ZNF804B: variants seen among roughly 807,000 people sequenced by gnomAD.
ZNF804B encodes zinc finger 804B.
In ZNF804B, 80 loss-of-function variants were observed where a neutral mutation model predicts 101.4. The ratio of observed to expected loss-of-function variants is 0.79; its 90% CI spans 0.66 to 0.95. ZNF804B has a LOEUF of 0.95. Among genes scored for constraint, ZNF804B ranks in the 40% least tolerant of loss-of-function variants. The pLI is 0.00. For synonymous variants in ZNF804B, 622 were observed against 558.8 expected (o/e 1.11, Z -1.59); for missense variants, 1,673 against 1,561.9 (o/e 1.07, Z -1.20).
chr7:88,931,395 C>G (rs1792883289), intron 1 of ZNF804B, among the ~76,000 whole-genome samples: 1 of 151,798 alleles, frequency 6.6e-6, no homozygotes, highest in South Asian at 2.1e-4. Flanking sequence ...TCATGAAGGT[C>G]AGTTTAACTA....
intron 1 of ZNF804B, among the ~76,000 whole-genome samples, chr7:89,034,050 A>G (rs1021654658): frequency 6.6e-6 from 1 of 152,052 alleles, no homozygotes; most frequent in African/African-American, 2.4e-5. Context: ...CTCTTCCTAC[A>G]TATTCATTTG....
intron 1 of ZNF804B, among the ~76,000 whole-genome samples, chr7:89,071,362 G>T (rs901859818): frequency 1.3e-5 from 2 of 152,040 alleles, no homozygotes; most frequent in African/African-American, 4.8e-5. Flanking sequence ...ACTTAAATGT[G>T]TTTTTATTTA....
intron 1 of ZNF804B, among the ~76,000 whole-genome samples, chr7:88,945,001 A>G (rs966197838): frequency 1.3e-4 from 20 of 151,918 alleles, no homozygotes; most frequent in African/African-American, 4.8e-4. Flanking sequence ...CCTTTGTTAG[A>G]TGGATAGATT....
intron 1 of ZNF804B, among the ~76,000 whole-genome samples, chr7:89,147,621 G>T (rs1188300142): frequency 5.9e-5 from 9 of 152,118 alleles, no homozygotes; most frequent in Admixed American, 2.0e-4. Context: ...AGGCCATACA[G>T]CAGGAGGTGA....
intron 2 of ZNF804B, among the ~76,000 whole-genome samples, chr7:89,292,465 G>T (rs879885557): frequency 2.6e-5 from 4 of 152,070 alleles, no homozygotes; most frequent in Non-Finnish European, 5.9e-5. Flanking sequence ...GTTTGTTTAT[G>T]CAGTGTTACA....
intron 2 of ZNF804B, among the ~76,000 whole-genome samples, chr7:89,294,232 A>T (rs1258222317): frequency 1.3e-5 from 2 of 152,054 alleles, no homozygotes; most frequent in Non-Finnish European, 1.5e-5. Context: ...TTTAGGTAAA[A>T]ACCATAAACT....
intron 1 of ZNF804B, among the ~76,000 whole-genome samples, chr7:88,765,261 G>C (rs1351098560): frequency 6.6e-6 from 1 of 151,962 alleles, no homozygotes; most frequent in African/African-American, 2.4e-5. Flanking sequence ...TCTGTTTTAG[G>C]TTTCTGCTCC....
rs1466376904 is a variant in ZNF804B, at chr7:89,334,613, A to T, written c.1631A>T (p.Asp544Val). 1.2e-6 allele frequency: 2 copies of T among 1,613,684 alleles called. No individual in the cohort carries two copies. Among genetic ancestry groups the T allele is most frequent in the East Asian group, 2.2e-5 (1 of 44,868 alleles). ...CCAAAGACGATGATAGCTAATCCGGATTGGGAAAAATTCCAGAGGAAATAT... is the reference window on the plus strand; with the variant it reads ...CCAAAGACGATGATAGCTAATCCGGTTTGGGAAAAATTCCAGAGGAAATAT... ...PKPKTMIANP[D>V]WEKFQRKYNL... is the part of the protein sequence containing the mutation. Residue 544 changes from aspartate to valine, a missense_variant, in exon 4 of 4, where the codon GAT (aspartate) becomes GTT (valine). By Grantham distance (152) the Asp-to-Val change is radical. Coordinates refer to ENST00000333190, the MANE Select transcript of ZNF804B (RefSeq NM_181646.5).
At chr7:88,887,929 T>C (rs892842902) in intron 1 of ZNF804B, among the ~76,000 whole-genome samples, 5 of 152,196 alleles carry the variant, frequency 3.3e-5, no homozygotes, top group African/African-American at 9.6e-5. Flanking sequence ...TATATATATC[T>C]GAGAATTGCT....
At chr7:88,940,620 T>A (rs577548572) in intron 1 of ZNF804B, among the ~76,000 whole-genome samples, 7 of 151,656 alleles carry the variant, frequency 4.6e-5, no homozygotes, top group Non-Finnish European at 8.8e-5. Context: ...ACTTAAAAGA[T>A]TAGCTGGGCA....
intron 2 of ZNF804B, among the ~76,000 whole-genome samples, chr7:89,266,807 C>T (rs1472206953): frequency 6.6e-6 from 1 of 151,610 alleles, no homozygotes; most frequent in Non-Finnish European, 1.5e-5. Flanking sequence ...AATTATTTAT[C>T]CTTTTCAGGA....
intron 1 of ZNF804B, among the ~76,000 whole-genome samples, chr7:88,769,515 G>A (rs1410058287): frequency 6.6e-6 from 1 of 152,146 alleles, no homozygotes; most frequent in African/African-American, 2.4e-5. Flanking sequence ...ATAAATTGGT[G>A]TAATTTGTAC....
chr7:89,274,728 T>G (rs1789952299), intron 2 of ZNF804B, among the ~76,000 whole-genome samples: 1 of 151,744 alleles, frequency 6.6e-6, no homozygotes, highest in African/African-American at 2.4e-5. Flanking sequence ...CCATCTAGAG[T>G]CTTATATCAA....
At chr7:88,964,124 A>C (rs540283903) in intron 1 of ZNF804B, among the ~76,000 whole-genome samples, 1 of 151,456 alleles carries the variant, frequency 6.6e-6, no homozygotes, top group East Asian at 2.0e-4. Context: ...AAAGTGTGGC[A>C]GTTCCTCAGA....
At chr7:89,282,658 G>A (rs575005863) in intron 2 of ZNF804B, among the ~76,000 whole-genome samples, 159 of 152,218 alleles carry the variant, frequency 1.0e-3, no homozygotes, top group African/African-American at 3.8e-3. Context: ...GAGGGGGTAC[G>A]ATTAACCTGG....
At chr7:88,875,753 C>T (rs1379179375) in intron 1 of ZNF804B, among the ~76,000 whole-genome samples, 1 of 152,128 alleles carries the variant, frequency 6.6e-6, no homozygotes, top group Non-Finnish European at 1.5e-5. Flanking sequence ...TGGTACCATT[C>T]CATCTGAAAC....
intron 2 of ZNF804B, among the ~76,000 whole-genome samples, chr7:89,279,996 A>C (rs1042162974): frequency 6.6e-6 from 1 of 151,924 alleles, no homozygotes; most frequent in Non-Finnish European, 1.5e-5. Flanking sequence ...AAAATTGACC[A>C]CATAGTTGGA....
chr7:89,132,380 A>ACCAGAC (rs1459592827), intron 1 of ZNF804B, among the ~76,000 whole-genome samples: 1 of 151,964 alleles, frequency 6.6e-6, no homozygotes, highest in Non-Finnish European at 1.5e-5. Context: ...GTTATAGAAA[A>ACCAGAC]CCAGACTGGA....
At chr7:88,764,046 C>T (rs1179043709) in intron 1 of ZNF804B, among the ~76,000 whole-genome samples, 3 of 152,092 alleles carry the variant, frequency 2.0e-5, no homozygotes, top group Non-Finnish European at 4.4e-5. Flanking sequence ...CTTCTAAGTT[C>T]TATCACCATG....
Sources: allele counts gnomAD v4.1 joint callset (sites outside exome capture counted in the v4.1 genomes callset), GRCh38; gene constraint gnomAD v4.1.1; transcripts MANE v1.5; gene names NCBI Gene and HGNC (gene_info 2026-07-23, HGNC 2026-07-21).